IPCEF1: variants seen among roughly 807,000 people sequenced by gnomAD.
The protein encoded by IPCEF1 is interaction protein for cytohesin exchange factors 1, also known as interactor protein for cytohesin exchange factors 1.
IPCEF1 carries 31 observed loss-of-function variants against 50.9 expected under a neutral mutation model. That is an observed-to-expected ratio of 0.61 (90% confidence interval 0.46 to 0.82). IPCEF1 has a LOEUF of 0.82. Among genes scored for constraint, IPCEF1 ranks in the 40% least tolerant of loss-of-function variants. The pLI is 0.00. For synonymous variants in IPCEF1, 181 were observed against 192.0 expected (o/e 0.94, Z 0.47); for missense variants, 458 against 514.0 (o/e 0.89, Z 1.05).
intron 1 of IPCEF1, among the ~76,000 whole-genome samples, chr6:154,319,374 T>C (rs987600023): frequency 2.0e-5 from 3 of 152,228 alleles, no homozygotes; most frequent in Non-Finnish European, 4.4e-5. Flanking sequence ...ACACAGGCAG[T>C]TCATATTTGA....
At chr6:154,182,305 T>C (rs1800953960) in intron 10 of IPCEF1, among the ~76,000 whole-genome samples, 1 of 152,182 alleles carries the variant, frequency 6.6e-6, no homozygotes, top group Non-Finnish European at 1.5e-5. Context: ...TCAAGGCTCT[T>C]CTACTGTATT....
At chr6:154,199,171 G>A (rs778606124) in intron 10 of IPCEF1, among the ~76,000 whole-genome samples, 1 of 152,200 alleles carries the variant, frequency 6.6e-6, no homozygotes, top group African/African-American at 2.4e-5. Context: ...CAAAGTGCAT[G>A]CAAATTGTCT....
chr6:154,261,897 A>G (rs139545059), intron 3 of IPCEF1, among the ~76,000 whole-genome samples: 1 of 152,304 alleles, frequency 6.6e-6, no homozygotes, highest in East Asian at 1.9e-4. Flanking sequence ...TAACTCAATA[A>G]GTGTTAGTTT....
At chr6:154,211,641 G>T (rs531624548) in intron 9 of IPCEF1, among the ~76,000 whole-genome samples, 1 of 152,258 alleles carries the variant, frequency 6.6e-6, no homozygotes, top group African/African-American at 2.4e-5. Flanking sequence ...GAAGGTGATG[G>T]ATAAATCTGA....
chr6:154,216,626 T>G lies in IPCEF1; in HGVS notation c.393-2350A>C, dbSNP rs1328033054. 2.0e-5 allele frequency among the ~76,000 whole-genome samples: 3 copies of G among 152,174 alleles called. No individual in the cohort carries two copies. In the East Asian group the frequency reaches 5.8e-4, roughly 29 times the overall value. ...GGCTCACACCTGTAATCCCAGCACT[T>G]TGGGAGGCCAAGGCAGGTGGATCAT... is the stretch of plus-strand genomic sequence containing the variant. On this transcript the variant is annotated intron_variant, in intron 7 of 11. Transcript: ENST00000367220.
At chr6:154,221,484 A>G (rs538408539) in intron 6 of IPCEF1, among the ~76,000 whole-genome samples, 156 bp from the exon 7 acceptor site, 2 of 152,238 alleles carry the variant, frequency 1.3e-5, no homozygotes, top group Non-Finnish European at 2.9e-5. Context: ...CCTATTGTCT[A>G]GTCTCTGTTT....
intron 10 of IPCEF1, among the ~76,000 whole-genome samples, chr6:154,177,222 G>A (rs1800408731): frequency 6.6e-6 from 1 of 152,110 alleles, no homozygotes; most frequent in African/African-American, 2.4e-5. Context: ...CAGGACATAG[G>A]CATGGGCAAA....
rs939746150 is a variant in IPCEF1, at chr6:154,159,564, C to G, written c.*264G>C. ...TTCTCACATCCCCCCTAGAGCCCCA[C>G]ATCACCGTGAGCTCCCAGTAGGAAC... On this transcript the variant is annotated 3_prime_UTR_variant, in exon 12 of 12. Transcript: ENST00000367220. 3.4e-5 allele frequency: 16 copies of G among 475,358 alleles called. No individual in the cohort carries two copies. The highest frequency in any genetic ancestry group is 5.5e-5 in the Non-Finnish European group (15 of 271,352). The allele number at this position is 475,358 out of a possible 1,614,324, so 29.4% of individuals were successfully genotyped here.
intron 1 of IPCEF1, among the ~76,000 whole-genome samples, chr6:154,296,902 A>G (rs1003709501): frequency 3.9e-5 from 6 of 152,126 alleles, no homozygotes; most frequent in South Asian, 2.1e-4. Context: ...AAAGAACATT[A>G]AAGTGAGAAA....
At chr6:154,322,391 C>A (rs1783405330) in intron 1 of IPCEF1, among the ~76,000 whole-genome samples, 1 of 151,844 alleles carries the variant, frequency 6.6e-6, no homozygotes, top group African/African-American at 2.4e-5. Flanking sequence ...CACACACACA[C>A]ACACACACAC....
chr6:154,317,548 CAAAAAAAAAAA>C (rs71021041), intron 1 of IPCEF1, among the ~76,000 whole-genome samples: 1 of 16,302 alleles, frequency 6.1e-5, no homozygotes, highest in African/African-American at 3.0e-4. Flanking sequence ...GACTCCATCT[CAAAAAAAAAAA>C]AAAAAAAAAA....
intron 1 of IPCEF1, among the ~76,000 whole-genome samples, chr6:154,293,614 C>T (rs1228861180): frequency 6.6e-6 from 1 of 152,170 alleles, no homozygotes; most frequent in Non-Finnish European, 1.5e-5. Flanking sequence ...CATAAAGAAG[C>T]AGGAACAGAC....
intron 1 of IPCEF1, among the ~76,000 whole-genome samples, chr6:154,346,704 T>A (rs1410147505): frequency 6.6e-6 from 1 of 152,190 alleles, no homozygotes; most frequent in Non-Finnish European, 1.5e-5. Context: ...GAGAGAGAAG[T>A]GCAGAGCAAA....
intron 3 of IPCEF1, among the ~76,000 whole-genome samples, chr6:154,257,813 C>T (rs1781499018): frequency 6.6e-6 from 1 of 152,170 alleles, no homozygotes; most frequent in Admixed American, 6.5e-5. Flanking sequence ...GATGCTCCCA[C>T]CGCAGCCTTC....
At position 154,288,676 on chromosome 6, in the gene IPCEF1, CAAAAAAAAAAAAAAAAAA is replaced by C. The variant is rs558703057; in HGVS notation, c.-18+1019_-18+1036del. Among the ~76,000 whole-genome samples the C allele has an allele frequency of 1.3e-3, 62 of 46,938 alleles. 1 individual carries two copies. Among genetic ancestry groups the C allele is most frequent in the African/African-American group, 3.8e-3 (60 of 15,926 alleles). 30.8% of individuals were successfully genotyped at this position (46,938 alleles called of 152,430 possible). On this transcript the variant is annotated intron_variant, in intron 2 of 11. Coordinates refer to ENST00000367220, the MANE Select transcript of IPCEF1 (RefSeq NM_001130700.2). ...GACTCTGTCTAAAAAACAAAAAAAA[CAAAAAAAAAAAAAAAAAA>C]AAAAAAAAAAACTGTAAAAAGAATG...
At chr6:154,339,543 G>A (rs1397898356) in intron 1 of IPCEF1, among the ~76,000 whole-genome samples, 3 of 151,828 alleles carry the variant, frequency 2.0e-5, no homozygotes, top group Non-Finnish European at 4.4e-5. Context: ...TGAGTGGTGG[G>A]ATTACAGGCA....
chr6:154,205,855 T>A lies in IPCEF1; in HGVS notation c.538-5815A>T, dbSNP rs184424967. Among the ~76,000 whole-genome samples the A allele has an allele frequency of 1.5e-3, 233 of 152,114 alleles. 1 individual carries two copies. Among genetic ancestry groups the A allele is most frequent in the African/African-American group, 5.3e-3 (218 of 41,506 alleles). On this transcript the variant is annotated intron_variant, in intron 9 of 11. Transcript: ENST00000367220. ...TTCTAACACATCATAAAGTTTTGTA[T>A]CTCCATGCTTCTGCTTGTGTTCCTC...
intron 1 of IPCEF1, among the ~76,000 whole-genome samples, chr6:154,346,498 A>G (rs1269925097): frequency 6.6e-6 from 1 of 152,146 alleles, no homozygotes. Context: ...TGGTTGTATA[A>G]TAATTAGAAA....
chr6:154,244,324 G>GTC (rs1780859370), intron 5 of IPCEF1, among the ~76,000 whole-genome samples: 6 of 151,506 alleles, frequency 4.0e-5, no homozygotes, highest in Admixed American at 4.0e-4. Context: ...GTGTGTGTGT[G>GTC]TGTTTGTGGT....
Sources: allele counts gnomAD v4.1 joint callset (sites outside exome capture counted in the v4.1 genomes callset), GRCh38; gene constraint gnomAD v4.1.1; transcripts MANE v1.5; gene names NCBI Gene and HGNC (gene_info 2026-07-23, HGNC 2026-07-21).